The following FHIT variants were observed in gnomAD, a reference collection of about 807,000 sequenced individuals.
FHIT encodes the protein bis(5'-adenosyl)-triphosphatase.
Under a neutral mutation model 17.9 loss-of-function variants are expected in FHIT, and 19 were observed. The observed-to-expected ratio is 1.06, with a 90% CI of 0.74 to 1.56. The LOEUF is 1.56. Among genes scored for constraint, FHIT ranks in the 40% most tolerant of loss-of-function variants. The probability of loss-of-function intolerance (pLI) is 0.00; values close to 1 mark genes in which losing one functional copy is unlikely to be tolerated. For synonymous variants in FHIT, 81 were observed against 69.7 expected (o/e 1.16, Z -0.81); for missense variants, 248 against 189.2 (o/e 1.31, Z -1.82).
chr3:60,360,830 C>T (rs1699878356), intron 5 of FHIT, among the ~76,000 whole-genome samples: 1 of 152,154 alleles, frequency 6.6e-6, no homozygotes, highest in African/African-American at 2.4e-5. Flanking sequence ...CTGATAGCTG[C>T]CTCAACTTCA....
intron 5 of FHIT, among the ~76,000 whole-genome samples, chr3:60,418,365 T>C (rs1702327786): frequency 8.5e-6 from 1 of 118,128 alleles, no homozygotes; most frequent in Admixed American, 9.0e-5. Flanking sequence ...TATATATGTA[T>C]CTGAATGTGT....
intron 8 of FHIT, among the ~76,000 whole-genome samples, chr3:59,788,161 C>T (rs773974136): frequency 1.3e-5 from 2 of 152,206 alleles, no homozygotes; most frequent in Non-Finnish European, 2.9e-5. Flanking sequence ...ACCACATTTT[C>T]CCCTCTCCCA....
intron 5 of FHIT, among the ~76,000 whole-genome samples, chr3:60,317,755 A>C (rs1228972082): frequency 6.7e-6 from 1 of 148,514 alleles, no homozygotes; most frequent in African/African-American, 2.5e-5. Flanking sequence ...GGGAAGTACT[A>C]GTTCAAAATT....
At chr3:61,147,790 C>A (rs1374200500) in intron 2 of FHIT, among the ~76,000 whole-genome samples, 3 of 151,918 alleles carry the variant, frequency 2.0e-5, no homozygotes, top group African/African-American at 7.2e-5. Context: ...AGAATCATGG[C>A]AACTTATTCA....
At chr3:60,760,391 C>T (rs562391754) in intron 4 of FHIT, among the ~76,000 whole-genome samples, 3 of 152,280 alleles carry the variant, frequency 2.0e-5, no homozygotes, top group South Asian at 2.1e-4. Flanking sequence ...AGGGCATACA[C>T]ATAGCAGGAC....
At chr3:60,083,746 C>T (rs1190199937) in intron 5 of FHIT, among the ~76,000 whole-genome samples, 4 of 152,184 alleles carry the variant, frequency 2.6e-5, no homozygotes, top group African/African-American at 9.6e-5. Context: ...AGCATTAAAG[C>T]AGTCATATAT....
chr3:60,123,962 CTA>C (rs1705374326), intron 5 of FHIT, among the ~76,000 whole-genome samples: 1 of 63,324 alleles, frequency 1.6e-5, no homozygotes, highest in African/African-American at 7.4e-5. Flanking sequence ...CAGAAATGCA[CTA>C]AAAATATATA....
At chr3:60,177,085 A>T (rs780292136) in intron 5 of FHIT, among the ~76,000 whole-genome samples, 2 of 152,170 alleles carry the variant, frequency 1.3e-5, no homozygotes, top group Admixed American at 6.5e-5. Context: ...AATCTGTGCG[A>T]AAGAGCATGC....
chr3:60,106,396 T>A (rs997383092), intron 5 of FHIT, among the ~76,000 whole-genome samples: 1 of 152,192 alleles, frequency 6.6e-6, no homozygotes, highest in African/African-American at 2.4e-5. Context: ...GAAAAATTCA[T>A]GCTAGTTTTG....
At chr3:60,800,139 G>T (rs1027267845) in intron 4 of FHIT, among the ~76,000 whole-genome samples, 1 of 152,116 alleles carries the variant, frequency 6.6e-6, no homozygotes, top group Non-Finnish European at 1.5e-5. Context: ...TATTCATGCT[G>T]TATTTCCAAG....
At chr3:60,280,070 CAA>C (rs1202475701) in intron 5 of FHIT, among the ~76,000 whole-genome samples, 1 of 146,312 alleles carries the variant, frequency 6.8e-6, no homozygotes, top group Non-Finnish European at 1.5e-5. Flanking sequence ...AACCAAACAA[CAA>C]AAAAAACTCA....
intron 2 of FHIT, among the ~76,000 whole-genome samples, chr3:61,163,028 T>C (rs1467434279): frequency 6.6e-6 from 1 of 152,186 alleles, no homozygotes; most frequent in Non-Finnish European, 1.5e-5. Flanking sequence ...AATACATGTA[T>C]AGATCTTGGA....
chr3:60,853,839 G>T (rs1433884521), intron 3 of FHIT, among the ~76,000 whole-genome samples: 3 of 151,996 alleles, frequency 2.0e-5, no homozygotes, highest in African/African-American at 7.3e-5. Context: ...ACATTCAACT[G>T]CAATGTATTT....
chr3:60,140,122 A>G (rs1010701019), intron 5 of FHIT, among the ~76,000 whole-genome samples: 1 of 142,912 alleles, frequency 7.0e-6, no homozygotes, highest in Non-Finnish European at 1.5e-5. Flanking sequence ...TTCCATCTCG[A>G]AAAAAAAAAA....
intron 5 of FHIT, among the ~76,000 whole-genome samples, chr3:60,056,668 T>C (rs1467658329): frequency 6.6e-6 from 1 of 152,220 alleles, no homozygotes; most frequent in African/African-American, 2.4e-5. Flanking sequence ...TACACCCTGA[T>C]ACCAGGAAAG....
chr3:60,560,840 C>CAG (rs1183332340), intron 4 of FHIT, among the ~76,000 whole-genome samples: 1,389 of 115,354 alleles, frequency 0.012, 50 homozygotes, highest in East Asian at 0.11. Context: ...CACACACACA[C>CAG]ACACAGAGAG....
At chr3:60,306,392 G>C (rs1708675544) in intron 5 of FHIT, among the ~76,000 whole-genome samples, 1 of 152,168 alleles carries the variant, frequency 6.6e-6, no homozygotes, top group South Asian at 2.1e-4. Flanking sequence ...AAACAAATTT[G>C]CTTTGAAGGA....
chr3:60,918,236 T>C (rs1575687648), intron 3 of FHIT, among the ~76,000 whole-genome samples: 1 of 152,188 alleles, frequency 6.6e-6, no homozygotes, highest in East Asian at 1.9e-4. Flanking sequence ...TTAAACCTCT[T>C]TTTCTTTATA....
intron 2 of FHIT, among the ~76,000 whole-genome samples, chr3:61,200,352 A>G (rs1233473395): frequency 6.6e-6 from 1 of 152,222 alleles, no homozygotes; most frequent in African/African-American, 2.4e-5. Flanking sequence ...ACTTAGCTCC[A>G]TTGGAATGTC....
Sources: gnomAD v4.1 joint callset for allele counts (sites outside exome capture counted in the v4.1 genomes callset) on GRCh38, gnomAD v4.1.1 for gene constraint, MANE v1.5 for transcripts, NCBI Gene and HGNC (gene_info 2026-07-23, HGNC 2026-07-21) for gene names.